The following RNF169 variants were observed in gnomAD, a reference collection of about 807,000 sequenced individuals.
The protein encoded by RNF169 is E3 ubiquitin-protein ligase RNF169.
A neutral mutation model predicts 53.9 loss-of-function variants in RNF169; 24 were observed. The observed-to-expected ratio is 0.45, with a 90% CI of 0.32 to 0.63. The LOEUF is 0.63. Among genes scored for constraint, RNF169 ranks in the 20% least tolerant of loss-of-function variants. RNF169 has a pLI of 0.04. For missense variants in RNF169, 883 were observed against 906.2 expected, an observed-to-expected ratio of 0.97 and a Z score of 0.33; for synonymous variants, 396 against 363.5, an observed-to-expected ratio of 1.09 and a Z score of -1.02.
chr11:74,756,345 G>T (rs1041503400), intron 1 of RNF169, among the ~76,000 whole-genome samples: 1 of 152,170 alleles, frequency 6.6e-6, no homozygotes, highest in Non-Finnish European at 1.5e-5. Flanking sequence ...GGAAAACCTG[G>T]AGACAGACTA....
Position 74,825,929 on chromosome 11 carries a change from C to T in RNF169, c.842+8215C>T, listed in dbSNP as rs191647205. The stretch of plus-strand genomic sequence containing the variant: ...AGTTCCATGTGGCTGGGGGAGGCCT[C>T]AGGAAACTTACAATCATGGCAGAAG... On this transcript the variant is annotated intron_variant, in intron 4 of 5. Transcript: ENST00000299563. Among the ~76,000 whole-genome samples, 4 of 152,220 alleles carry T rather than the reference C, an allele frequency of 2.6e-5. No individual in the cohort carries two copies. The East Asian group carries it at 7.7e-4, about 29-fold the overall frequency.
chr11:74,762,629 C>T (rs555240198), intron 1 of RNF169, among the ~76,000 whole-genome samples: 54 of 150,494 alleles, frequency 3.6e-4, no homozygotes, highest in African/African-American at 1.2e-3. Flanking sequence ...TTCGGCCATC[C>T]GACAATTCTT....
intron 1 of RNF169, among the ~76,000 whole-genome samples, chr11:74,766,484 T>C (rs1214291546): frequency 2.0e-5 from 3 of 152,232 alleles, no homozygotes; most frequent in African/African-American, 7.2e-5. Context: ...TTGTTGGTAT[T>C]AAAGACTTAT....
At chr11:74,815,763 A>G (rs2135125215) in intron 3 of RNF169, among the ~76,000 whole-genome samples, 1 of 152,286 alleles carries the variant, frequency 6.6e-6, no homozygotes. Context: ...GAGGCTCAGG[A>G]AGATAAAGCA....
At chr11:74,764,786 C>G (rs2035146797) in intron 1 of RNF169, among the ~76,000 whole-genome samples, 1 of 152,038 alleles carries the variant, frequency 6.6e-6, no homozygotes, top group South Asian at 2.1e-4. Context: ...AAATACTAGG[C>G]AAAGATAAAA....
At chr11:74,760,175 A>T (rs1037920203) in intron 1 of RNF169, among the ~76,000 whole-genome samples, 77 of 150,822 alleles carry the variant, frequency 5.1e-4, no homozygotes, top group African/African-American at 1.8e-3. Context: ...ATCATTTTTT[A>T]TTGTGTCTAT....
intron 1 of RNF169, among the ~76,000 whole-genome samples, chr11:74,771,047 T>TC (rs1296761192): frequency 7.9e-5 from 12 of 151,702 alleles, no homozygotes; most frequent in East Asian, 1.9e-4. Context: ...CCTCAGGTGA[T>TC]CCCCCCCGCC....
chr11:74,785,011 T>C (rs1157539091), intron 1 of RNF169, among the ~76,000 whole-genome samples: 2 of 151,906 alleles, frequency 1.3e-5, no homozygotes, highest in Admixed American at 1.3e-4. Context: ...TTTTTACTTA[T>C]TTATTATGGG....
rs79976051 is a variant in RNF169 at position 74,806,762 on chromosome 11, G to T, written c.577-3422G>T. ...AAAATGATTTTTTTTGGTGTTAGAAGCCAGGATCATGGTTTCTACCATAGT... is the reference window on the plus strand; with the variant it reads ...AAAATGATTTTTTTTGGTGTTAGAATCCAGGATCATGGTTTCTACCATAGT... On this transcript the variant is annotated intron_variant, in intron 2 of 5. Transcript: ENST00000299563. Among the ~76,000 whole-genome samples, 43 of 151,728 alleles carry T rather than the reference G, an allele frequency of 2.8e-4. 1 individual carries two copies. In the East Asian group the frequency reaches 4.8e-3, roughly 17 times the overall value.
At chr11:74,804,343 A>G (rs1164039786) in intron 2 of RNF169, among the ~76,000 whole-genome samples, 1 of 152,210 alleles carries the variant, frequency 6.6e-6, no homozygotes. Flanking sequence ...AAATGAGTAC[A>G]AATTTTTGTA....
Position 74,836,779 on chromosome 11 carries a change from T to C in RNF169, c.*49T>C. 7.1e-7 allele frequency: 1 copy of C among 1,405,724 alleles called. No individual in the cohort carries two copies. Among genetic ancestry groups the C allele is most frequent in the Admixed American group, 2.0e-5 (1 of 51,004 alleles). 87.1% of individuals were successfully genotyped at this position (1,405,724 alleles called of 1,614,324 possible). A position where few individuals can be genotyped will look rare whatever the true frequency, so the allele number is the denominator to read the frequency against. Reference sequence around the variant, plus strand: ...TTTAAAAGGTCTTAGGCCTTGATCATTTATCCTGAAGAGCTGAGTGTTCTC... The same window carrying C: ...TTTAAAAGGTCTTAGGCCTTGATCACTTATCCTGAAGAGCTGAGTGTTCTC... On this transcript the variant is annotated 3_prime_UTR_variant, in exon 6 of 6. Coordinates refer to ENST00000299563, the MANE Select transcript of RNF169 (RefSeq NM_001098638.2).
chr11:74,806,062 A>G (rs938756909), intron 2 of RNF169, among the ~76,000 whole-genome samples: 3 of 152,174 alleles, frequency 2.0e-5, no homozygotes, highest in Non-Finnish European at 4.4e-5. Context: ...CATATAAGAT[A>G]TATGTACATA....
rs1336619157 is a variant in RNF169, at chr11:74,834,742, C to T, written c.909C>T (p.Ser303=). ...CSDTAQERAK[S]RVRAVPGNKA... ...ACACAGCCCAGGAAAGAGCGAAGAG[C>T]AGAGTCAGAGCAGTTCCAGGCAACA... The change falls in exon 5 of 6, where the codon AGC becomes AGT. Residue 303 remains serine, a synonymous_variant. Transcript: ENST00000299563. The T allele has an allele frequency of 6.2e-7, 1 of 1,614,028 alleles. No homozygotes were observed. Among genetic ancestry groups the T allele is most frequent in the Admixed American group, 1.7e-5 (1 of 60,012 alleles).
intron 2 of RNF169, chr11:74,808,212 A>T (rs2135114458): frequency 6.6e-6 from 1 of 152,294 alleles, no homozygotes; most frequent in East Asian, 1.9e-4. Context: ...ATTAAGAAAA[A>T]AATAAACTAT....
chr11:74,773,753 A>G (rs957050753), intron 1 of RNF169, among the ~76,000 whole-genome samples: 3 of 152,196 alleles, frequency 2.0e-5, no homozygotes, highest in African/African-American at 4.8e-5. Flanking sequence ...CTGGTATTCT[A>G]CTACTTAGTA....
At chr11:74,792,120 C>T (rs1591408448) in intron 2 of RNF169, among the ~76,000 whole-genome samples, 1 of 152,176 alleles carries the variant, frequency 6.6e-6, no homozygotes, top group African/African-American at 2.4e-5. Flanking sequence ...TGACCTGAAT[C>T]TTCGTGCTTC....
intron 4 of RNF169, among the ~76,000 whole-genome samples, chr11:74,833,016 A>T (rs1441281764): frequency 2.6e-5 from 4 of 152,188 alleles, no homozygotes; most frequent in Non-Finnish European, 5.9e-5. Context: ...CAACTTTCAC[A>T]TCTTTCATTT....
chr11:74,750,403 G>C (rs2135296423), intron 1 of RNF169, among the ~76,000 whole-genome samples: 1 of 152,078 alleles, frequency 6.6e-6, no homozygotes, highest in South Asian at 2.1e-4. Context: ...TTTTGGGTAA[G>C]GAAAGAGAGG....
chr11:74,826,134 T>C (rs1165842857), intron 4 of RNF169, among the ~76,000 whole-genome samples: 3 of 152,198 alleles, frequency 2.0e-5, no homozygotes, highest in African/African-American at 7.2e-5. Context: ...AAGACCAGCC[T>C]GGCCAACATA....
Sources: allele counts gnomAD v4.1 joint callset (sites outside exome capture counted in the v4.1 genomes callset), GRCh38; gene constraint gnomAD v4.1.1; transcripts MANE v1.5; gene names NCBI Gene and HGNC (gene_info 2026-07-23, HGNC 2026-07-21).